The following EIF4E3 variants were observed in gnomAD, a reference collection of about 807,000 sequenced individuals.
EIF4E3 encodes the protein eukaryotic translation initiation factor 4E type 3.
A neutral mutation model predicts 31.7 loss-of-function variants in EIF4E3; 26 were observed. The ratio of observed to expected loss-of-function variants is 0.82; its 90% CI spans 0.60 to 1.14. The LOEUF (loss-of-function observed/expected upper bound fraction) is 1.14, where lower values mean the gene tolerates loss of function less well. Among genes scored for constraint, EIF4E3 ranks in the 50% most tolerant of loss-of-function variants. EIF4E3 has a pLI of 0.00. For missense variants in EIF4E3, 304 were observed against 270.9 expected (o/e 1.12, Z -0.86); for synonymous variants, 128 against 107.7 (o/e 1.19, Z -1.17).
chr3:71,713,421 T>C (rs1207671198), intron 1 of EIF4E3, among the ~76,000 whole-genome samples: 1 of 152,200 alleles, frequency 6.6e-6, no homozygotes, highest in Non-Finnish European at 1.5e-5. Flanking sequence ...CCACCATTTT[T>C]GCTGAATCCC....
downstream of EIF4E3, among the ~76,000 whole-genome samples, chr3:71,672,942 G>A (rs181683908): frequency 1.1e-4 from 16 of 152,216 alleles, no homozygotes; most frequent in African/African-American, 3.9e-4. Flanking sequence ...AGGCATGGGG[G>A]TGGAAGGATT....
chr3:71,691,849 T>C (rs1475535478), intron 5 of EIF4E3, among the ~76,000 whole-genome samples: 8 of 152,246 alleles, frequency 5.3e-5, no homozygotes, highest in Non-Finnish European at 1.0e-4. Flanking sequence ...AGATCAATGT[T>C]ATATTTTATG....
At chr3:71,711,798 G>T (rs2108081341) in intron 1 of EIF4E3, among the ~76,000 whole-genome samples, 1 of 152,236 alleles carries the variant, frequency 6.6e-6, no homozygotes. Context: ...CCAACATGGT[G>T]AAAACCCACC....
At chr3:71,669,251 G>C in the EIF4E3 span, among the ~76,000 whole-genome samples, 1 of 151,780 alleles carries the variant, frequency 6.6e-6, no homozygotes, top group Admixed American at 6.6e-5. Flanking sequence ...GGGCCTGTTG[G>C]GGGGTGGGGG....
At chr3:71,703,102 C>CT (rs796096002) in intron 2 of EIF4E3, among the ~76,000 whole-genome samples, 6 of 152,018 alleles carry the variant, frequency 3.9e-5, no homozygotes, top group East Asian at 3.9e-4. Flanking sequence ...TGGTTAAATG[C>CT]TTTTTTTTCC....
chr3:71,670,680 A>G (rs879438447), downstream of EIF4E3, among the ~76,000 whole-genome samples: 1 of 152,190 alleles, frequency 6.6e-6, no homozygotes, highest in Non-Finnish European at 1.5e-5. Flanking sequence ...TTTTAAAACA[A>G]CTGGCCACGT....
chr3:71,694,022 T>A, intron 4 of EIF4E3, 81 bp from the exon 5 acceptor site: 1 of 1,364,802 alleles, frequency 7.3e-7, no homozygotes, highest in Non-Finnish European at 9.8e-7. Context: ...CTAAACAAAT[T>A]ATGTTTTCTT....
At chr3:71,694,460 A>G (rs572355575) in intron 4 of EIF4E3, among the ~76,000 whole-genome samples, 1 of 152,332 alleles carries the variant, frequency 6.6e-6, no homozygotes, top group Admixed American at 6.5e-5. Context: ...TTTGAGGCAG[A>G]CTGTTTATGG....
intron 3 of EIF4E3, among the ~76,000 whole-genome samples, 199 bp from the exon 4 acceptor site, chr3:71,696,719 ATTTT>A (rs151225724): frequency 2.1e-5 from 3 of 141,148 alleles, no homozygotes; most frequent in South Asian, 2.2e-4. Flanking sequence ...GTATATCTGA[ATTTT>A]TTTTTTTTTT....
rs568673131 is a variant in EIF4E3 at position 71,681,972 on chromosome 3, T to C, written c.*2710A>G. 3 of 152,226 alleles carry C rather than the reference T, an allele frequency of 2.0e-5. No individual in the cohort carries two copies. The South Asian group carries it at 6.2e-4, about 32-fold the overall frequency. 9.4% of individuals were successfully genotyped at this position (152,226 alleles called of 1,614,324 possible). ...ATTAAATGTACATGTTTGCAGTAAA[T>C]TACACCCTCATTTAAGAAATGTGGA... On this transcript the variant is annotated 3_prime_UTR_variant, in exon 7 of 7. Transcript: ENST00000425534.
At chr3:71,674,765 C>T (rs1276470640), downstream of EIF4E3, among the ~76,000 whole-genome samples, 1 of 152,098 alleles carries the variant, frequency 6.6e-6, no homozygotes, top group South Asian at 2.1e-4. Context: ...AATGGAAGTA[C>T]CATTTACTAA....
chr3:71,670,227 T>G, the EIF4E3 span, among the ~76,000 whole-genome samples: 1 of 152,130 alleles, frequency 6.6e-6, no homozygotes, highest in Admixed American at 6.5e-5. Context: ...CTCACATAAA[T>G]GAAACATGGT....
chr3:71,684,583 C>T lies in EIF4E3; in HGVS notation c.*99G>A, dbSNP rs2048965345. The T allele has an allele frequency of 1.4e-6, 2 of 1,452,528 alleles. No homozygotes were observed. Among genetic ancestry groups the T allele is most frequent in the Non-Finnish European group, 1.9e-6 (2 of 1,045,040 alleles). The allele number at this position is 1,452,528 out of a possible 1,614,324, so 90.0% of individuals were successfully genotyped here. ...GGACAGAAACCCACTCTAAATTGAC[C>T]AGCATCGGCTTCGGCAAGTCTTCTC... is the stretch of plus-strand genomic sequence containing the variant. On this transcript the variant is annotated 3_prime_UTR_variant, in exon 7 of 7. Coordinates refer to ENST00000425534, the MANE Select transcript of EIF4E3 (RefSeq NM_001134651.2).
chr3:71,700,448 A>G (rs950882157), intron 2 of EIF4E3, among the ~76,000 whole-genome samples: 3 of 151,926 alleles, frequency 2.0e-5, no homozygotes, highest in African/African-American at 7.3e-5. Context: ...CCCCATCTCT[A>G]CTAAAAATAC....
chr3:71,754,634 C>T (rs1232109017), upstream of EIF4E3: 2 of 1,476,530 alleles, frequency 1.4e-6, no homozygotes, highest in South Asian at 1.3e-5. This position sits in a 1 kb window ranked among gnomAD's most constrained non-coding sequence, Gnocchi z 5.8. Flanking sequence ...TGGTGGTGGG[C>T]GCCACGCACC....
In EIF4E3 at chr3:71,677,101, A is replaced by T. The variant is rs2048880260; in HGVS notation, c.*7581T>A. The T allele has an allele frequency of 6.6e-6, 1 of 152,238 alleles. No homozygotes were observed. The highest frequency in any genetic ancestry group is 2.1e-4 in the South Asian group (1 of 4,838). 9.4% of individuals were successfully genotyped at this position (152,238 alleles called of 1,614,324 possible). A position where few individuals can be genotyped will look rare whatever the true frequency, so the allele number is the denominator to read the frequency against. On this transcript the variant is annotated 3_prime_UTR_variant, in exon 7 of 7. Transcript: ENST00000425534. ...AATGGTACCAGAGTTCAACATGCTT[A>T]CGATTATAAAGAATTTATGATTTAT... is the stretch of plus-strand genomic sequence containing the variant.
chr3:71,749,473 A>G (rs896459643), intron 1 of EIF4E3, among the ~76,000 whole-genome samples: 1 of 152,116 alleles, frequency 6.6e-6, no homozygotes, highest in African/African-American at 2.4e-5. Context: ...AGTCAAACCA[A>G]CCTTCTCTAA....
chr3:71,736,546 A>G (rs2049765396), intron 1 of EIF4E3, among the ~76,000 whole-genome samples: 1 of 152,250 alleles, frequency 6.6e-6, no homozygotes, highest in Non-Finnish European at 1.5e-5. Context: ...GAAGAAGCCA[A>G]TCTGAAAAGC....
At chr3:71,730,043 G>A (rs140532870), upstream of EIF4E3, among the ~76,000 whole-genome samples, 1 of 152,310 alleles carries the variant, frequency 6.6e-6, no homozygotes, top group Non-Finnish European at 1.5e-5. Context: ...GCAGTCTTCA[G>A]TGCCGGTAGG....
Sources: allele counts gnomAD v4.1 joint callset (sites outside exome capture counted in the v4.1 genomes callset), GRCh38; gene constraint gnomAD v4.1.1; non-coding constraint Gnocchi (gnomAD v3.1); transcripts MANE v1.5; gene names NCBI Gene and HGNC (gene_info 2026-07-23, HGNC 2026-07-21).